Variants in GUCY1A2 observed in about 807,000 individuals in gnomAD.
GUCY1A2 encodes guanylate cyclase 1 soluble subunit alpha 2.
Under a neutral mutation model 63.5 loss-of-function variants are expected in GUCY1A2, and 27 were observed. The observed-to-expected ratio is 0.43, with a 90% CI of 0.31 to 0.59. GUCY1A2 has a LOEUF of 0.59. Among genes scored for constraint, GUCY1A2 ranks in the 20% least tolerant of loss-of-function variants. GUCY1A2 has a pLI of 0.11. For missense variants in GUCY1A2, 768 were observed against 913.3 expected (o/e 0.84, Z 2.05); for synonymous variants, 364 against 343.5 (o/e 1.06, Z -0.66).
intron 6 of GUCY1A2, among the ~76,000 whole-genome samples, chr11:106,710,871 C>T (rs1863105432): frequency 6.6e-6 from 1 of 151,944 alleles, no homozygotes; most frequent in Non-Finnish European, 1.5e-5. Flanking sequence ...CACCCCTTCA[C>T]CACCAGGCTC....
At chr11:106,897,343 T>C (rs2135482309) in intron 4 of GUCY1A2, among the ~76,000 whole-genome samples, 1 of 152,238 alleles carries the variant, frequency 6.6e-6, no homozygotes, top group East Asian at 1.9e-4. Context: ...ATCAACAAAC[T>C]GATTCTTACG....
intron 7 of GUCY1A2, among the ~76,000 whole-genome samples, chr11:106,689,375 TCTC>T (rs1269148488): frequency 1.3e-5 from 2 of 151,970 alleles, no homozygotes; most frequent in East Asian, 1.9e-4. Context: ...AAAAAACAAG[TCTC>T]CTTCTAACAT....
intron 4 of GUCY1A2, among the ~76,000 whole-genome samples, chr11:106,898,836 AT>A (rs1198146157): frequency 2.0e-5 from 3 of 152,184 alleles, no homozygotes; most frequent in Non-Finnish European, 4.4e-5. Context: ...GTGAACTCTA[AT>A]TTAAACTATG....
rs574740356 is a variant in GUCY1A2, at chr11:106,790,785, T to G, written c.1693-14203A>C. 1.5e-3 allele frequency among the ~76,000 whole-genome samples: 226 copies of G among 152,158 alleles called. 2 individuals are homozygous for G. Among genetic ancestry groups the G allele is most frequent in the African/African-American group, 5.2e-3 (214 of 41,490 alleles). ...GGTGTGTCTAGAAATGTCTGGGAAC[T>G]AGTGCCTGAAATGGGGGCCTCATGA... On this transcript the variant is annotated intron_variant, in intron 5 of 7. Transcript: ENST00000526355.
intron 6 of GUCY1A2, among the ~76,000 whole-genome samples, chr11:106,716,246 G>T (rs188502760): frequency 6.6e-6 from 1 of 152,206 alleles, no homozygotes; most frequent in Admixed American, 6.5e-5. Flanking sequence ...TATAGCACAG[G>T]GTTTCCCAGT....
At chr11:106,797,478 ATTC>A (rs1215648273) in intron 5 of GUCY1A2, among the ~76,000 whole-genome samples, 4 of 152,178 alleles carry the variant, frequency 2.6e-5, no homozygotes, top group Admixed American at 2.0e-4. Flanking sequence ...CAAAATATAC[ATTC>A]TTCTCAGCAC....
intron 5 of GUCY1A2, among the ~76,000 whole-genome samples, chr11:106,808,688 C>A (rs1262505370): frequency 2.0e-5 from 3 of 151,974 alleles, no homozygotes; most frequent in Non-Finnish European, 2.9e-5. Flanking sequence ...GCAAACACTG[C>A]AAATCAGTAG....
chr11:106,910,445 T>C (rs1421010741), intron 4 of GUCY1A2, among the ~76,000 whole-genome samples: 1 of 152,062 alleles, frequency 6.6e-6, no homozygotes, highest in Non-Finnish European at 1.5e-5. Flanking sequence ...AAAAAAGGCA[T>C]AGAACTTATT....
At chr11:106,946,612 TAAAC>T (rs1860832773) in intron 3 of GUCY1A2, among the ~76,000 whole-genome samples, 6 of 151,966 alleles carry the variant, frequency 3.9e-5, no homozygotes, top group Admixed American at 3.9e-4. Context: ...GGAGAAGTGA[TAAAC>T]AGAATAAAAA....
intron 4 of GUCY1A2, among the ~76,000 whole-genome samples, chr11:106,900,440 G>A (rs956198404): frequency 2.0e-5 from 3 of 152,142 alleles, no homozygotes; most frequent in African/African-American, 4.8e-5. Flanking sequence ...TTCCAGGCAT[G>A]AGCCACCTCT....
chr11:106,910,756 C>A (rs904208998), intron 4 of GUCY1A2, among the ~76,000 whole-genome samples: 3 of 152,054 alleles, frequency 2.0e-5, no homozygotes, highest in African/African-American at 7.2e-5. Flanking sequence ...CCCTTACAGA[C>A]CCCCATCATC....
In GUCY1A2 at chr11:106,677,047, T is replaced by C. The variant is rs1270685141; in HGVS notation, c.*10502A>G. On this transcript the variant is annotated 3_prime_UTR_variant, in exon 8 of 8. Coordinates refer to ENST00000526355, the MANE Select transcript of GUCY1A2 (RefSeq NM_000855.3). ...TCTGCATCTACGTGCTCATCTTCTT[T>C]CCCCTTTTCTCACAAATCCACAAAG... is the stretch of plus-strand genomic sequence containing the variant. 7 of 213,786 alleles carry C rather than the reference T, an allele frequency of 3.3e-5. No homozygotes were observed. The highest frequency in any genetic ancestry group is 5.7e-5 in the Non-Finnish European group (6 of 105,518). The allele number at this position is 213,786 out of a possible 1,614,324, so 13.2% of individuals were successfully genotyped here. A position where few individuals can be genotyped will look rare whatever the true frequency, so the allele number is the denominator to read the frequency against.
intron 4 of GUCY1A2, among the ~76,000 whole-genome samples, chr11:106,811,615 G>A (rs2135424932): frequency 6.6e-6 from 1 of 152,114 alleles, no homozygotes; most frequent in East Asian, 1.9e-4. Flanking sequence ...GGATTTTTAA[G>A]TCATTAATAT....
intron 4 of GUCY1A2, among the ~76,000 whole-genome samples, chr11:106,890,406 C>G (rs1287901972): frequency 6.6e-6 from 1 of 152,178 alleles, no homozygotes; most frequent in African/African-American, 2.4e-5. Flanking sequence ...TCTGCTGATA[C>G]TCTTCAGGAT....
intron 4 of GUCY1A2, among the ~76,000 whole-genome samples, chr11:106,815,571 G>GA (rs1367655066): frequency 9.9e-5 from 15 of 150,952 alleles, no homozygotes; most frequent in Non-Finnish European, 2.1e-4. Flanking sequence ...AAAGATAAGA[G>GA]AAAAAAATCT....
chr11:106,825,410 G>C (rs991096696), intron 4 of GUCY1A2, among the ~76,000 whole-genome samples: 1 of 149,402 alleles, frequency 6.7e-6, no homozygotes, highest in Admixed American at 6.7e-5. Flanking sequence ...ATTGTCTTGG[G>C]CCTCACATAA....
chr11:107,009,225 G>A (rs1591362767), intron 1 of GUCY1A2, among the ~76,000 whole-genome samples: 1 of 152,036 alleles, frequency 6.6e-6, no homozygotes, highest in Admixed American at 6.5e-5. Flanking sequence ...TTTGAGAGGT[G>A]GCCCTATATA....
At chr11:107,017,384 C>T (rs954185597) in intron 1 of GUCY1A2, among the ~76,000 whole-genome samples, 2 of 152,162 alleles carry the variant, frequency 1.3e-5, no homozygotes, top group African/African-American at 4.8e-5. Context: ...GGAAGCTGAA[C>T]TGCAGAACAC....
At chr11:106,817,164 T>G (rs1046591689) in intron 4 of GUCY1A2, among the ~76,000 whole-genome samples, 3 of 152,088 alleles carry the variant, frequency 2.0e-5, no homozygotes, top group African/African-American at 7.2e-5. Flanking sequence ...CTAACATTCA[T>G]CTTCTAGCTG....
Sources: gnomAD v4.1 joint callset for allele counts (sites outside exome capture counted in the v4.1 genomes callset) on GRCh38, gnomAD v4.1.1 for gene constraint, MANE v1.5 for transcripts, NCBI Gene and HGNC (gene_info 2026-07-23, HGNC 2026-07-21) for gene names.